Variants in TBC1D14 observed in about 807,000 individuals in gnomAD.
TBC1D14 encodes TBC1 domain family member 14, also known as TBC1 domain family, member 14.
In TBC1D14, 26 loss-of-function variants were observed where a neutral mutation model predicts 79.0. That is an observed-to-expected ratio of 0.33 (90% CI 0.24 to 0.46). The LOEUF is 0.46. Among genes scored for constraint, TBC1D14 ranks in the 20% least tolerant of loss-of-function variants. The probability of loss-of-function intolerance (pLI) is 1.00; values close to 1 mark genes in which losing one functional copy is unlikely to be tolerated. For synonymous variants in TBC1D14, 394 were observed against 349.9 expected, an observed-to-expected ratio of 1.13 and a Z score of -1.40; for missense variants, 769 against 887.6, an observed-to-expected ratio of 0.87 and a Z score of 1.70.
At chr4:6,913,488 C>T (rs1314354491) in intron 1 of TBC1D14, among the ~76,000 whole-genome samples, 1 of 152,168 alleles carries the variant, frequency 6.6e-6, no homozygotes, top group African/African-American at 2.4e-5. Flanking sequence ...CATGTATGAG[C>T]TTTGATGTCA....
At chr4:6,931,947 G>A (rs914847183) in intron 2 of TBC1D14, among the ~76,000 whole-genome samples, 1 of 151,898 alleles carries the variant, frequency 6.6e-6, no homozygotes, top group Non-Finnish European at 1.5e-5. Flanking sequence ...AGACTTAAGA[G>A]CTACGGAGAA....
At chr4:6,925,808 C>A (rs964946193) in intron 2 of TBC1D14, among the ~76,000 whole-genome samples, 3 of 152,166 alleles carry the variant, frequency 2.0e-5, no homozygotes, top group Non-Finnish European at 4.4e-5. Context: ...TCCCCGTGCT[C>A]AGACGAGTGT....
intron 2 of TBC1D14, among the ~76,000 whole-genome samples, chr4:6,941,778 G>A (rs1712932002): frequency 6.6e-6 from 1 of 152,190 alleles, no homozygotes; most frequent in East Asian, 1.9e-4. Flanking sequence ...CTCCAGATAC[G>A]TCAGACCTCC....
At position 6,923,956 on chromosome 4, in the gene TBC1D14, T is replaced by C. The variant is rs868739178; in HGVS notation, c.567T>C (p.Ile189=). The C allele has an allele frequency of 1.9e-6, 3 of 1,614,182 alleles. No homozygotes were observed. Among genetic ancestry groups the C allele is most frequent in the Non-Finnish European group, 2.5e-6 (3 of 1,180,010 alleles). The part of the protein sequence containing the change: ...DLVVTSSSSA[I]VTLENDDDPQ... ...TGGTCACGAGCAGCTCCAGTGCCAT[T>C]GTGACCCTGGAGAATGACGATGACC... Residue 189 remains isoleucine (I), a synonymous_variant, in exon 2 of 14, where the codon ATT becomes ATC. Coordinates refer to ENST00000409757, the MANE Select transcript of TBC1D14 (RefSeq NM_020773.3).
intron 3 of TBC1D14, among the ~76,000 whole-genome samples, chr4:6,975,919 C>A (rs1433108435): frequency 6.6e-6 from 1 of 152,096 alleles, no homozygotes; most frequent in Admixed American, 6.6e-5. Context: ...GTGGCGAAAC[C>A]CCATCTCTAC....
At chr4:7,014,645 C>A in intron 12 of TBC1D14, 88 bp downstream of exon 12, 1 of 889,808 alleles carries the variant, frequency 1.1e-6, no homozygotes. Context: ...CTTCATGGCC[C>A]GGCTGAGTCC....
At chr4:6,987,876 C>T (rs1427598133) in intron 3 of TBC1D14, among the ~76,000 whole-genome samples, 3 of 152,226 alleles carry the variant, frequency 2.0e-5, no homozygotes, top group African/African-American at 7.2e-5. Flanking sequence ...ACTTTTGATG[C>T]TCTGGGAGGA....
chr4:6,960,937 G>A (rs1715136291), intron 2 of TBC1D14, among the ~76,000 whole-genome samples: 1 of 152,320 alleles, frequency 6.6e-6, no homozygotes. Flanking sequence ...TGTTGGGAAT[G>A]GGGCTTCTGA....
At chr4:7,009,511 G>A (rs1356544318) in intron 9 of TBC1D14, among the ~76,000 whole-genome samples, 3 of 152,192 alleles carry the variant, frequency 2.0e-5, no homozygotes, top group Non-Finnish European at 4.4e-5. Context: ...GACGGCCTGA[G>A]TGACACTGAG....
intron 2 of TBC1D14, among the ~76,000 whole-genome samples, chr4:6,930,428 C>T (rs377585104): frequency 1.4e-4 from 21 of 152,214 alleles, no homozygotes; most frequent in African/African-American, 4.6e-4. Context: ...TCCTGGAGGC[C>T]TTGAGCCAGA....
chr4:7,010,811 T>G, intron 11 of TBC1D14, 30 bp downstream of exon 11: 1 of 1,600,406 alleles, frequency 6.2e-7, no homozygotes, highest in Non-Finnish European at 8.5e-7. Context: ...GGGCCCTGGG[T>G]ACTGTGTCTT....
intron 11 of TBC1D14, among the ~76,000 whole-genome samples, chr4:7,014,174 C>T (rs551904798): frequency 9.9e-5 from 15 of 152,258 alleles, no homozygotes; most frequent in Non-Finnish European, 1.8e-4. Flanking sequence ...AAGCTTGTGC[C>T]CTTATTTGGC....
At chr4:6,997,565 G>T (rs944080540) in intron 5 of TBC1D14, among the ~76,000 whole-genome samples, 6 of 152,148 alleles carry the variant, frequency 3.9e-5, no homozygotes, top group Admixed American at 1.3e-4. Flanking sequence ...GGTGGAGGTT[G>T]CAGTGAGCCG....
rs150892799 is a variant in TBC1D14, at chr4:7,004,920, C to T, written c.1347C>T (p.Asn449=). The part of the protein sequence containing the change: ...SLSTGGSEVE[N]EDAGFSAADR... ...GCACAGGAGGCTCTGAAGTGGAGAA[C>T]GAAGGTAGAATGTCTTCTAAAACCA... The change falls in exon 8 of 14, where the codon AAC becomes AAT. Residue 449 remains asparagine (N), a synonymous_variant. Transcript: ENST00000409757. 298 of 1,613,932 alleles carry T rather than the reference C, an allele frequency of 1.8e-4. 1 individual carries two copies. In the African/African-American group the frequency reaches 3.4e-3, roughly 18 times the overall value.
At chr4:7,029,170 T>C (rs1722785892) in intron 13 of TBC1D14, among the ~76,000 whole-genome samples, 1 of 152,248 alleles carries the variant, frequency 6.6e-6, no homozygotes, top group African/African-American at 2.4e-5. Context: ...TAAATGTTTA[T>C]GTTGAGCCAG....
intron 3 of TBC1D14, among the ~76,000 whole-genome samples, chr4:6,969,158 T>G (rs920683196): frequency 1.3e-5 from 2 of 152,212 alleles, no homozygotes; most frequent in African/African-American, 4.8e-5. Flanking sequence ...TTTTGTTGAT[T>G]GTTACATTTT....
chr4:6,987,160 G>A, intron 3 of TBC1D14: 2 of 1,136,052 alleles, frequency 1.8e-6, no homozygotes, highest in Non-Finnish European at 2.2e-6. Flanking sequence ...GCGCCGAGCC[G>A]GCAGCGCGGA....
At chr4:6,955,030 T>C (rs1350178975) in intron 2 of TBC1D14, among the ~76,000 whole-genome samples, 1 of 152,244 alleles carries the variant, frequency 6.6e-6, no homozygotes, top group Non-Finnish European at 1.5e-5. Flanking sequence ...AGCACAGTGA[T>C]TGATCATGGT....
intron 12 of TBC1D14, among the ~76,000 whole-genome samples, chr4:7,022,299 C>T (rs1178761097): frequency 6.6e-6 from 1 of 152,194 alleles, no homozygotes; most frequent in Non-Finnish European, 1.5e-5. Flanking sequence ...CTGGGAGCTG[C>T]TTGCTGAGAG....
Sources: allele counts gnomAD v4.1 joint callset (sites outside exome capture counted in the v4.1 genomes callset), GRCh38; gene constraint gnomAD v4.1.1; transcripts MANE v1.5; gene names NCBI Gene and HGNC (gene_info 2026-07-23, HGNC 2026-07-21).